SLC26A1: variants seen among roughly 807,000 people sequenced by gnomAD.
SLC26A1 encodes the protein sulfate anion transporter 1.
In SLC26A1, 18 loss-of-function variants were observed where a neutral mutation model predicts 14.5. The observed-to-expected ratio is 1.24, with a 90% CI of 0.86 to 1.84. The LOEUF (loss-of-function observed/expected upper bound fraction) is 1.84. Among genes scored for constraint, SLC26A1 ranks in the 40% most tolerant of loss-of-function variants. The pLI, the probability that SLC26A1 is intolerant of heterozygous loss-of-function variation, is 0.00. For missense variants in SLC26A1, 1,049 were observed against 1,020.0 expected, an observed-to-expected ratio of 1.03 and a Z score of -0.39; for synonymous variants, 505 against 492.0, an observed-to-expected ratio of 1.03 and a Z score of -0.35.
chr4:989,295 A>C lies in SLC26A1; in HGVS notation c.1644T>G (p.Tyr548Ter). 1 of 1,612,532 alleles carries C rather than the reference A, an allele frequency of 6.2e-7. No individual in the cohort carries two copies. Among genetic ancestry groups the C allele is most frequent in the Non-Finnish European group, 8.5e-7 (1 of 1,179,810 alleles). ...RVFRFGGPLYYANKDFFLQSL... is the reference protein window; with the variant it reads ...RVFRFGGPLY ...ACTGCAGGAAGAAGTCCTTGTTGGC[A>C]TAGTACAGCGGCCCCCCAAAGCGGA... is the stretch of plus-strand genomic sequence containing the variant. The change falls in exon 3 of 3, where the codon TAT becomes TAG. Residue 548 changes from tyrosine (Y) to a stop codon, truncating the protein, a stop_gained. Coordinates refer to ENST00000398516, the MANE Select transcript of SLC26A1 (RefSeq NM_022042.4). LOFTEE classifies it low-confidence loss of function (END_TRUNC).
chr4:988,687 G>T lies in SLC26A1; in HGVS notation c.*146C>A, dbSNP rs1305417859. On this transcript the variant is annotated 3_prime_UTR_variant, in exon 3 of 3. Coordinates refer to ENST00000398516, the MANE Select transcript of SLC26A1 (RefSeq NM_022042.4). ...TCAGAGGGCCTCCTTTCCCAGTTGG[G>T]GTTCCCCGGTTTCCCCAGGGCAGCT... The T allele has an allele frequency of 7.1e-7, 1 of 1,413,878 alleles. No individual in the cohort carries two copies. Among genetic ancestry groups the T allele is most frequent in the Non-Finnish European group, 9.2e-7 (1 of 1,089,034 alleles). 87.6% of individuals were successfully genotyped at this position (1,413,878 alleles called of 1,614,324 possible).
chr4:981,523 A>G (rs1713541181), intron 2 of SLC26A1, among the ~76,000 whole-genome samples: 1 of 152,148 alleles, frequency 6.6e-6, no homozygotes, highest in African/African-American at 2.4e-5. Context: ...CTGCAGTCCC[A>G]GGTACTCAGG....
At chr4:987,158 C>T (rs1173398291), downstream of SLC26A1, 3 of 1,425,382 alleles carry the variant, frequency 2.1e-6, no homozygotes, top group Non-Finnish European at 2.7e-6. Context: ...CCGGTGGCCC[C>T]GGCCGAGGCC....
Position 988,991 on chromosome 4 carries a change from TGCAGCAGGCTA to T in SLC26A1, c.1937_1947del (p.Leu646GlnfsTer23), listed in dbSNP as rs752630392. 7.7e-5 allele frequency: 122 copies of T among 1,593,012 alleles called. No homozygotes were observed. Among genetic ancestry groups the T allele is most frequent in the East Asian group, 2.5e-4 (11 of 43,626 alleles). ...CTCAGAATGTCTCTCACAGGCGGGC[TGCAGCAGGCTA>T]GCAGCAGGCTGATGCCCAGGGCCCC... On this transcript the variant is annotated frameshift_variant, in exon 3 of 3. Transcript: ENST00000398516. LOFTEE classifies it low-confidence loss of function (END_TRUNC).
chr4:991,593 G>A lies in SLC26A1; in HGVS notation c.111C>T (p.Cys37=). 2 of 1,597,410 alleles carry A rather than the reference G, an allele frequency of 1.3e-6. No individual in the cohort carries two copies. The highest frequency in any genetic ancestry group is 1.3e-5 in the African/African-American group (1 of 74,958). The change falls in exon 2 of 3, where the codon TGC becomes TGT. Residue 37 remains cysteine (C), a synonymous_variant. Coordinates refer to ENST00000398516, the MANE Select transcript of SLC26A1 (RefSeq NM_022042.4). ...LREMLKARLW[C]SCSCSVLCVR... ...CGCACAGCACACTGCACGAGCAGCT[G>A]CACCACAGCCTGGCCTTCAGCATCT... is the stretch of plus-strand genomic sequence containing the variant.
At position 991,585 on chromosome 4, in the gene SLC26A1, G is replaced by A. The variant is rs768396425; in HGVS notation, c.119C>T (p.Ser40Leu). Reference protein sequence around the residue: ...MLKARLWCSCSCSVLCVRALV... With the variant: ...MLKARLWCSCLCSVLCVRALV... ...CGCCCGGACGCACAGCACACTGCAC[G>A]AGCAGCTGCACCACAGCCTGGCCTT... The change falls in exon 2 of 3, where the codon TCG (serine) becomes TTG (leucine). Residue 40 changes from serine to leucine, a missense_variant. Physicochemically the swap from Ser to Leu is moderately radical, Grantham distance 145. Transcript: ENST00000398516. 25 of 1,599,004 alleles carry A rather than the reference G, an allele frequency of 1.6e-5. No individual in the cohort carries two copies. Among genetic ancestry groups the A allele is most frequent in the Middle Eastern group, 1.7e-4 (1 of 6,030 alleles).
At position 988,432 on chromosome 4, in the gene SLC26A1, C is replaced by T; in HGVS notation, c.*401G>A. 9.3e-7 allele frequency: 1 copy of T among 1,079,716 alleles called. No homozygotes were observed. The highest frequency in any genetic ancestry group is 4.2e-4 in the Middle Eastern group (1 of 2,360). The allele number at this position is 1,079,716 out of a possible 1,614,324, so 66.9% of individuals were successfully genotyped here. Reference sequence around the variant, plus strand: ...CTTGGCCAGAGCCGCTGGCTCCTACCAGCAGGGTGGGCACCGGGCAGGCCT... The same window carrying T: ...CTTGGCCAGAGCCGCTGGCTCCTACTAGCAGGGTGGGCACCGGGCAGGCCT... On this transcript the variant is annotated 3_prime_UTR_variant, in exon 3 of 3. Transcript: ENST00000398516.
exon 3 of SLC26A1, chr4:979,463 T>G: frequency 6.2e-7 from 1 of 1,613,826 alleles, no homozygotes; most frequent in Non-Finnish European, 8.5e-7. Context: ...TCTGTGTTAA[T>G]TGCCATGGGT....
chr4:986,518 G>A (rs1056483057), downstream of SLC26A1, among the ~76,000 whole-genome samples: 2 of 152,112 alleles, frequency 1.3e-5, no homozygotes, highest in African/African-American at 4.8e-5. Flanking sequence ...GTATTATTTC[G>A]TATTGCTTTG....
downstream of SLC26A1, among the ~76,000 whole-genome samples, chr4:983,619 T>C (rs1713612915): frequency 6.6e-6 from 1 of 152,194 alleles, no homozygotes; most frequent in Non-Finnish European, 1.5e-5. Context: ...AGTATAAAAA[T>C]GTGGTTTCCC....
chr4:985,718 G>A (rs1184587464), downstream of SLC26A1, among the ~76,000 whole-genome samples: 1 of 151,694 alleles, frequency 6.6e-6, no homozygotes, highest in Non-Finnish European at 1.5e-5. Flanking sequence ...TTGCTAATTT[G>A]GAATATATAC....
chr4:987,154 G>A (rs1173380226), downstream of SLC26A1: 11 of 1,421,036 alleles, frequency 7.7e-6, no homozygotes, highest in South Asian at 1.5e-5. Flanking sequence ...GCCCCCGGTG[G>A]CCCCGGCCGA....
Position 989,193 on chromosome 4 carries a change from G to A in SLC26A1, c.1746C>T (p.Val582=), listed in dbSNP as rs1378787194. 9 of 1,607,112 alleles carry A rather than the reference G, an allele frequency of 5.6e-6. No homozygotes were observed. Among genetic ancestry groups the A allele is most frequent in the Admixed American group, 1.7e-5 (1 of 59,696 alleles). Residue 582 remains valine (V), a synonymous_variant, in exon 3 of 3, where the codon GTC becomes GTT. Transcript: ENST00000398516. The part of the protein sequence containing the change: ...RRKEGGSETG[V]GEGGPAQGED... ...CGCCCTGGGCAGGGCCTCCCTCACCGACCCCCGTCTCTGAGCCCCCCTCCT... is the reference window on the plus strand; with the variant it reads ...CGCCCTGGGCAGGGCCTCCCTCACCAACCCCCGTCTCTGAGCCCCCCTCCT...
intron 1 of SLC26A1, chr4:992,584 C>G (rs957433007): frequency 3.9e-5 from 8 of 203,624 alleles, no homozygotes; most frequent in Admixed American, 2.3e-4. Context: ...AGTTCTGGGA[C>G]GTGAGGCGCC....
At chr4:984,713 C>A (rs1384240603), downstream of SLC26A1, among the ~76,000 whole-genome samples, 4 of 152,222 alleles carry the variant, frequency 2.6e-5, no homozygotes, top group Non-Finnish European at 1.5e-5. Flanking sequence ...TGCCTGTAAT[C>A]CCAGCTACTC....
At chr4:985,867 A>G (rs1041778940), downstream of SLC26A1, among the ~76,000 whole-genome samples, 1 of 151,820 alleles carries the variant, frequency 6.6e-6, no homozygotes, top group East Asian at 1.9e-4. Flanking sequence ...CCTTCTCCCA[A>G]CTTAGAGAGG....
At chr4:991,105 TG>T in intron 2 of SLC26A1, 22 bp downstream of exon 2, 1 of 1,519,548 alleles carries the variant, frequency 6.6e-7, no homozygotes. Context: ...GGCCCCTCCC[TG>T]TGCCCAAGCA....
chr4:991,649 G>T lies in SLC26A1; in HGVS notation c.55C>A (p.Arg19=), dbSNP rs780136455. 4 of 1,552,554 alleles carry T rather than the reference G, an allele frequency of 2.6e-6. No homozygotes were observed. The highest frequency in any genetic ancestry group is 3.5e-6 in the Non-Finnish European group (4 of 1,156,034). The change falls in exon 2 of 3, where the codon CGG becomes AGG. Residue 19 remains arginine, a synonymous_variant. Transcript: ENST00000398516. ...QQGRGPVPVR[R]QRPAPRGLRE... is the part of the protein sequence containing the mutation. ...AGACCCCGGGGTGCTGGGCGCTGCC[G>T]TCGGACCGGCACCGGCCCTCTGCCC... is the stretch of plus-strand genomic sequence containing the variant.
downstream of SLC26A1, among the ~76,000 whole-genome samples, chr4:985,446 T>C (rs1713680453): frequency 1.3e-5 from 2 of 152,250 alleles, no homozygotes; most frequent in African/African-American, 4.8e-5. Context: ...CTGAAACAAT[T>C]CAGTTTCCAT....
Sources: gnomAD v4.1 joint callset for allele counts (sites outside exome capture counted in the v4.1 genomes callset) on GRCh38, gnomAD v4.1.1 for gene constraint, MANE v1.5 for transcripts, NCBI Gene and HGNC (gene_info 2026-07-23, HGNC 2026-07-21) for gene names.